Variants in CIITA observed in about 807,000 individuals in gnomAD.
The protein encoded by CIITA is MHC class II transactivator.
In CIITA, 72 loss-of-function variants were observed where a neutral mutation model predicts 115.1. The ratio of observed to expected loss-of-function variants is 0.63; its 90% CI spans 0.52 to 0.76. The LOEUF (loss-of-function observed/expected upper bound fraction) is 0.76, where lower values mean the gene tolerates loss of function less well. Among genes scored for constraint, CIITA ranks in the 30% least tolerant of loss-of-function variants. The probability of loss-of-function intolerance (pLI) is 0.00; values close to 1 mark genes in which losing one functional copy is unlikely to be tolerated. For synonymous variants in CIITA, 763 were observed against 635.6 expected, an observed-to-expected ratio of 1.20 and a Z score of -3.02; for missense variants, 1,617 against 1,463.8, an observed-to-expected ratio of 1.10 and a Z score of -1.71.
chr16:10,942,594 C>G lies in CIITA; in HGVS notation n.1720C>G, dbSNP rs942415918. ...AGGGGGCGGGTACCGCTTCGCTCCG[C>G]CCCTCGGGGCCCTAGCGTCTGAGTT... On this transcript the variant is annotated non_coding_transcript_exon_variant, in exon 2 of 2. Coordinates refer to the CIITA transcript ENST00000573379. The surrounding 1 kb of genome is among the most constrained non-coding windows in gnomAD (Gnocchi z 5.0). 5.9e-5 allele frequency: 9 copies of G among 152,300 alleles called. No homozygotes were observed. The highest frequency in any genetic ancestry group is 1.9e-4 in the African/African-American group (8 of 41,478). 9.4% of individuals were successfully genotyped at this position (152,300 alleles called of 1,614,324 possible).
intron 1 of CIITA, among the ~76,000 whole-genome samples, chr16:10,886,778 G>A (rs1034153989): frequency 2.6e-5 from 4 of 152,210 alleles, no homozygotes; most frequent in East Asian, 1.9e-4. Flanking sequence ...AAATGCAGTC[G>A]ATTCTGTGAC....
chr16:10,881,751 T>G lies in CIITA; in HGVS notation c.52+4369T>G, dbSNP rs1163785085. ...TGGCATTAAATATTTCAAACTGTTG[T>G]GCAACCTCCGCTACCATCCATCTCC... On this transcript the variant is annotated intron_variant, in intron 1 of 19. Transcript: ENST00000324288. 2.0e-5 allele frequency among the ~76,000 whole-genome samples: 3 copies of G among 152,224 alleles called. No homozygotes were observed. In the East Asian group the frequency reaches 5.8e-4, roughly 29 times the overall value.
rs2040616315 is a variant in CIITA, at chr16:10,928,237, G to C, written c.*4382G>C. On this transcript the variant is annotated 3_prime_UTR_variant, in exon 20 of 20. Coordinates refer to ENST00000324288, the MANE Select transcript of CIITA (RefSeq NM_000246.4). ...GTATGTGAAGGTGCTTTGAAATCAA[G>C]TGCTCTGCAAACTGGAGAGAATTAC... The C allele has an allele frequency of 6.6e-6, 1 of 152,202 alleles. No homozygotes were observed. The highest frequency in any genetic ancestry group is 2.4e-5 in the African/African-American group (1 of 41,450). 9.4% of individuals were successfully genotyped at this position (152,202 alleles called of 1,614,324 possible).
upstream of CIITA, among the ~76,000 whole-genome samples, chr16:10,873,548 C>T (rs1415924928): frequency 6.6e-6 from 1 of 152,220 alleles, no homozygotes; most frequent in Non-Finnish European, 1.5e-5. Flanking sequence ...GGCAGGAGAG[C>T]AGCACCGGGA....
chr16:10,871,333 G>T (rs2035470464), intron 1 of CIITA, among the ~76,000 whole-genome samples: 1 of 152,200 alleles, frequency 6.6e-6, no homozygotes, highest in South Asian at 2.1e-4. Flanking sequence ...GGCAACCTCA[G>T]CTGGCCTTGG....
rs2039173383 is a variant in CIITA at position 10,906,598 on chromosome 16, G to C, written c.1106G>C (p.Arg369Thr). The stretch of plus-strand genomic sequence containing the variant: ...GTGGAGGTGGATCTGGTGCAGGCCA[G>C]GCTGGAGAGGAGCAGCAGCAAGAGC... ...ILVEVDLVQARLERSSSKSLE... is the reference protein window; with the variant it reads ...ILVEVDLVQATLERSSSKSLE... The change falls in exon 11 of 20, where the codon AGG (arginine) becomes ACG (threonine). Residue 369 changes from arginine to threonine, a missense_variant. Arg to Thr is a moderately conservative substitution (Grantham distance 71). Transcript: ENST00000324288. 1 of 1,613,756 alleles carries C rather than the reference G, an allele frequency of 6.2e-7. No individual in the cohort carries two copies. Among genetic ancestry groups the C allele is most frequent in the Non-Finnish European group, 8.5e-7 (1 of 1,180,012 alleles).
chr16:10,938,275 GC>G (rs1222277320), downstream of CIITA: 2 of 151,886 alleles, frequency 1.3e-5, no homozygotes, highest in Non-Finnish European at 1.5e-5. The surrounding 1 kb of genome is among the most constrained non-coding windows in gnomAD (Gnocchi z 4.9). Flanking sequence ...TGAACCCAGG[GC>G]CCTGGCTCTT....
intron 10 of CIITA, 47 bp from the exon 11 acceptor site, chr16:10,906,452 C>G (rs953029793): frequency 6.2e-7 from 1 of 1,603,432 alleles, no homozygotes; most frequent in Non-Finnish European, 8.5e-7. Context: ...TGGCCCTGGC[C>G]CTGCCTCTCA....
chr16:10,878,461 TG>T (rs1441882390), intron 1 of CIITA, among the ~76,000 whole-genome samples: 3 of 152,120 alleles, frequency 2.0e-5, no homozygotes, highest in African/African-American at 7.2e-5. Context: ...TTGCCACGGC[TG>T]GGGGTGTGGT....
chr16:10,870,274 A>G (rs1427310714), intron 1 of CIITA, among the ~76,000 whole-genome samples: 1 of 152,030 alleles, frequency 6.6e-6, no homozygotes, highest in African/African-American at 2.4e-5. Context: ...GCAGTCTTCA[A>G]ACTGAAACCA....
At chr16:10,878,035 C>G (rs1483116472) in intron 1 of CIITA, among the ~76,000 whole-genome samples, 2 of 152,094 alleles carry the variant, frequency 1.3e-5, no homozygotes, top group Non-Finnish European at 2.9e-5. Flanking sequence ...AGTCAATTTT[C>G]CTGGAGTGTA....
intron 16 of CIITA, among the ~76,000 whole-genome samples, chr16:10,919,522 A>ATTTATTTATTTG (rs1316157330): frequency 2.0e-5 from 3 of 151,090 alleles, no homozygotes; most frequent in Non-Finnish European, 4.4e-5. Context: ...TTATTTATTT[A>ATTTATTTATTTG]TTTATTTATT....
rs1384361889 is a variant in CIITA at position 10,941,876 on chromosome 16, C to G, written n.1002C>G. 10 of 1,611,834 alleles carry G rather than the reference C, an allele frequency of 6.2e-6. No homozygotes were observed. Among genetic ancestry groups the G allele is most frequent in the Non-Finnish European group, 7.6e-6 (9 of 1,179,676 alleles). ...AGGACGATGTACTCCATGAGGAAGG[C>G]GTAGTACAGGATCAGCACATTGACG... On this transcript the variant is annotated non_coding_transcript_exon_variant, in exon 2 of 2. Transcript: ENST00000573379. This position sits in a 1 kb window ranked among gnomAD's most constrained non-coding sequence, Gnocchi z 6.4.
rs2145305236 is a variant in CIITA at position 10,930,148 on chromosome 16, C to T, written c.*6293C>T. The T allele has an allele frequency of 6.6e-6, 1 of 152,518 alleles. No homozygotes were observed. Among genetic ancestry groups the T allele is most frequent in the African/African-American group, 2.4e-5 (1 of 41,598 alleles). 9.4% of individuals were successfully genotyped at this position (152,518 alleles called of 1,614,324 possible). A position where few individuals can be genotyped will look rare whatever the true frequency, so the allele number is the denominator to read the frequency against. ...TGTGCCTAGCCGGGTGCCAGTGTCTCTGTAGCACCTCGTGTTCCCATGCCC... is the reference window on the plus strand; with the variant it reads ...TGTGCCTAGCCGGGTGCCAGTGTCTTTGTAGCACCTCGTGTTCCCATGCCC... On this transcript the variant is annotated 3_prime_UTR_variant, in exon 20 of 20. Coordinates refer to ENST00000324288, the MANE Select transcript of CIITA (RefSeq NM_000246.4).
chr16:10,923,716 T>A lies in CIITA; in HGVS notation c.*23-162T>A, dbSNP rs1383909050. ...AGTCTCCTGCTCCTCACTATGAAGA[T>A]CACTGTCCCCCAGCCCTGTGCTCCC... On this transcript the variant is annotated intron_variant, in intron 19 of 19. Transcript: ENST00000324288. This position sits in a 1 kb window ranked among gnomAD's most constrained non-coding sequence, Gnocchi z 5.2. Among the ~76,000 whole-genome samples, 3 of 152,018 alleles carry A rather than the reference T, an allele frequency of 2.0e-5. No individual in the cohort carries two copies. The highest frequency in any genetic ancestry group is 4.4e-5 in the Non-Finnish European group (3 of 67,988).
chr16:10,876,805 T>C (rs1289763307), upstream of CIITA, among the ~76,000 whole-genome samples: 1 of 152,178 alleles, frequency 6.6e-6, no homozygotes, highest in East Asian at 1.9e-4. Context: ...GAGCAGCATC[T>C]AAGAAGTCCC....
rs971138646 is a variant in CIITA, at chr16:10,942,865, C to T, written n.1991C>T. On this transcript the variant is annotated non_coding_transcript_exon_variant, in exon 2 of 2. Transcript: ENST00000573379. The surrounding 1 kb of genome is among the most constrained non-coding windows in gnomAD (Gnocchi z 5.0). ...GTTGCCCTGGAAATTTTGGACATTC[C>T]CAAAGCGCCAATTTTCATGGTGGAG... The T allele has an allele frequency of 6.6e-6, 1 of 152,190 alleles. No individual in the cohort carries two copies. Among genetic ancestry groups the T allele is most frequent in the Admixed American group, 6.5e-5 (1 of 15,284 alleles). 9.4% of individuals were successfully genotyped at this position (152,190 alleles called of 1,614,324 possible).
Position 10,904,826 on chromosome 16 carries a change from G to T in CIITA, c.1006+14G>T. 6.2e-7 allele frequency: 1 copy of T among 1,613,972 alleles called. No homozygotes were observed. The highest frequency in any genetic ancestry group is 8.5e-7 in the Non-Finnish European group (1 of 1,179,810). ...CAAAATGGCCTGGTGAGTGATGCGG[G>T]ATCTCTCTGCCCTGGGTGGTGGAGA... On this transcript the variant is annotated intron_variant, in intron 10 of 19. Coordinates refer to ENST00000324288, the MANE Select transcript of CIITA (RefSeq NM_000246.4).
rs1306793050 is a variant in CIITA at position 10,906,881 on chromosome 16, T to C, written c.1389T>C (p.Tyr463=). 4 of 1,613,410 alleles carry C rather than the reference T, an allele frequency of 2.5e-6. No homozygotes were observed. Among genetic ancestry groups the C allele is most frequent in the Non-Finnish European group, 3.4e-6 (4 of 1,180,034 alleles). ...CHCLNRPGDA[Y]GLQDLLFSLG... ...GCTTGAACCGTCCGGGGGATGCCTA[T>C]GGCCTGCAGGATCTGCTCTTCTCCC... is the stretch of plus-strand genomic sequence containing the variant. Residue 463 remains tyrosine, a synonymous_variant, in exon 11 of 20, where the codon TAT becomes TAC. Transcript: ENST00000324288.
Sources: gnomAD v4.1 joint callset for allele counts (sites outside exome capture counted in the v4.1 genomes callset) on GRCh38, gnomAD v4.1.1 for gene constraint, Gnocchi (gnomAD v3.1) non-coding constraint, MANE v1.5 for transcripts, NCBI Gene and HGNC (gene_info 2026-07-23, HGNC 2026-07-21) for gene names.